The following DACH2 variants were observed in gnomAD, a reference collection of about 807,000 sequenced individuals.
The protein encoded by DACH2 is dachshund family transcription factor 2, also known as dachshund homolog 2.
A neutral mutation model predicts 35.8 loss-of-function variants in DACH2; 17 were observed. That is an observed-to-expected ratio of 0.48 (90% CI 0.33 to 0.71). DACH2 has a LOEUF of 0.71. DACH2 is among the 30% of genes least tolerant of loss of function. DACH2 has a pLI of 0.02. For missense variants in DACH2, 469 were observed against 472.7 expected (o/e 0.99, Z 0.07); for synonymous variants, 195 against 177.3 (o/e 1.10, Z -0.79).
chrX:86,821,590 C>T (rs2042512882), intron 11 of DACH2, among the ~76,000 whole-genome samples: 1 of 111,522 alleles, frequency 9.0e-6, no homozygotes, highest in Non-Finnish European at 1.9e-5. Flanking sequence ...GGTGGTACCT[C>T]TCTGCTGTGA....
At chrX:86,498,500 T>C (rs2038204608) in intron 2 of DACH2, among the ~76,000 whole-genome samples, 1 of 112,193 alleles carries the variant, frequency 8.9e-6, no homozygotes. Flanking sequence ...AGCATGTTCG[T>C]GTTTTGGAAA....
intron 2 of DACH2, among the ~76,000 whole-genome samples, chrX:86,473,528 C>G (rs922731624): frequency 3.6e-5 from 4 of 111,252 alleles, no homozygotes; most frequent in African/African-American, 1.3e-4. Flanking sequence ...ACCCACTACC[C>G]TTCCAAGCCT....
chrX:86,327,326 T>C (rs1241646696), intron 1 of DACH2, among the ~76,000 whole-genome samples: 1 of 112,026 alleles, frequency 8.9e-6, no homozygotes, highest in East Asian at 2.8e-4. Context: ...ATTCTGGTGC[T>C]TTACCTGCCT....
chrX:86,189,402 C>T (rs189387401), intron 1 of DACH2, among the ~76,000 whole-genome samples: 3 of 111,517 alleles, frequency 2.7e-5, no homozygotes, highest in East Asian at 5.7e-4. Flanking sequence ...CTTCATCAAC[C>T]GTGTCAGTGA....
At chrX:86,744,572 T>G (rs2041691453) in intron 7 of DACH2, among the ~76,000 whole-genome samples, 1 of 111,170 alleles carries the variant, frequency 9.0e-6, no homozygotes, top group African/African-American at 3.3e-5. Context: ...CATGAAGGAA[T>G]TTTCAGAACA....
At chrX:86,425,081 T>C (rs2036869745) in intron 2 of DACH2, among the ~76,000 whole-genome samples, 1 of 110,985 alleles carries the variant, frequency 9.0e-6, no homozygotes, top group East Asian at 2.8e-4. Flanking sequence ...TTTGCTAGCA[T>C]TTTGTTTAGG....
At chrX:86,795,043 T>A (rs2147327685) in intron 7 of DACH2, among the ~76,000 whole-genome samples, 1 of 111,115 alleles carries the variant, frequency 9.0e-6, no homozygotes. Flanking sequence ...AATGCCATGT[T>A]AAAAATACAG....
chrX:86,731,918 A>T (rs1016278404), intron 6 of DACH2, among the ~76,000 whole-genome samples: 2 of 112,429 alleles, frequency 1.8e-5, no homozygotes, highest in African/African-American at 6.4e-5. Flanking sequence ...TGCATAGGAT[A>T]TATCTACTAT....
In DACH2 at chrX:86,189,086, G is replaced by T. The variant is rs769474717; in HGVS notation, c.488+39978G>T. Among the ~76,000 whole-genome samples the T allele has an allele frequency of 5.4e-5, 6 of 111,997 alleles. No homozygotes were observed. The East Asian group carries it at 1.7e-3, about 31-fold the overall frequency. ...AGAATATCTATATAATCAATGGACA[G>T]TTGTTGGAAAGGATTTGGAAATGCT... On this transcript the variant is annotated intron_variant, in intron 1 of 11. Coordinates refer to ENST00000373125, the MANE Select transcript of DACH2 (RefSeq NM_053281.3).
At chrX:86,197,168 A>G (rs1426900995) in intron 1 of DACH2, among the ~76,000 whole-genome samples, 1 of 111,854 alleles carries the variant, frequency 8.9e-6, no homozygotes, top group Non-Finnish European at 1.9e-5. Context: ...ACTAAGCTTC[A>G]TAAGCAGAGG....
intron 3 of DACH2, among the ~76,000 whole-genome samples, chrX:86,617,944 T>A (rs1484080365): frequency 1.8e-5 from 2 of 112,469 alleles, no homozygotes; most frequent in Admixed American, 1.9e-4. Flanking sequence ...TTAGTTCTTT[T>A]AAGATTATGA....
chrX:86,241,980 T>A (rs1482429397), intron 1 of DACH2, among the ~76,000 whole-genome samples: 1 of 112,688 alleles, frequency 8.9e-6, no homozygotes, highest in African/African-American at 3.2e-5. Flanking sequence ...CATGGAAACA[T>A]CTGGATGTCC....
chrX:86,392,810 C>T (rs2036224206), intron 2 of DACH2, among the ~76,000 whole-genome samples: 1 of 111,626 alleles, frequency 9.0e-6, no homozygotes, highest in Non-Finnish European at 1.9e-5. Flanking sequence ...CACGCTGCCC[C>T]TCTTGCTCTT....
intron 2 of DACH2, among the ~76,000 whole-genome samples, chrX:86,381,748 A>G (rs1371642363): frequency 3.6e-5 from 4 of 110,852 alleles, no homozygotes; most frequent in Non-Finnish European, 5.7e-5. Flanking sequence ...AATTTGTGAA[A>G]ATTGTTGTAA....
chrX:86,343,544 C>T (rs1379151099), intron 1 of DACH2, among the ~76,000 whole-genome samples: 1 of 111,155 alleles, frequency 9.0e-6, no homozygotes, highest in Non-Finnish European at 1.9e-5. Context: ...AGGCAGCATT[C>T]TTCTGCAGTC....
At chrX:86,800,807 T>A (rs1488182667) in intron 7 of DACH2, among the ~76,000 whole-genome samples, 1 of 110,802 alleles carries the variant, frequency 9.0e-6, no homozygotes, top group East Asian at 2.8e-4. Context: ...GTAGCTGGGA[T>A]TACAGGCACC....
At chrX:86,220,165 CAAAAAAA>C (rs57964243) in intron 1 of DACH2, among the ~76,000 whole-genome samples, 18,779 of 49,529 alleles carry the variant, frequency 0.38, 2,526 homozygotes, top group South Asian at 0.67. Flanking sequence ...GACTCCATCT[CAAAAAAA>C]AAAAAAAAAA....
intron 2 of DACH2, among the ~76,000 whole-genome samples, chrX:86,489,900 T>C (rs2038071182): frequency 8.9e-6 from 1 of 112,064 alleles, no homozygotes; most frequent in Non-Finnish European, 1.9e-5. Flanking sequence ...CTACCTAGTA[T>C]GATTTACATG....
chrX:86,581,949 T>C (rs1216509518), intron 3 of DACH2, among the ~76,000 whole-genome samples: 1 of 111,672 alleles, frequency 9.0e-6, no homozygotes, highest in Non-Finnish European at 1.9e-5. Flanking sequence ...GACTCTAAAA[T>C]TGACCATAAA....
Sources: gnomAD v4.1 joint callset for allele counts (sites outside exome capture counted in the v4.1 genomes callset) on GRCh38, gnomAD v4.1.1 for gene constraint, MANE v1.5 for transcripts, NCBI Gene and HGNC (gene_info 2026-07-23, HGNC 2026-07-21) for gene names.